SAMD3: variants seen among roughly 807,000 people sequenced by gnomAD.
SAMD3 encodes sterile alpha motif domain-containing protein 3.
SAMD3 carries 63 observed loss-of-function variants against 58.5 expected under a neutral mutation model. The observed-to-expected ratio is 1.08, with a 90% CI of 0.88 to 1.33. SAMD3 has a LOEUF of 1.33. Ranked by LOEUF, SAMD3 falls within the 40% of genes most tolerant of loss-of-function variation. The pLI is 0.00. For missense variants in SAMD3, 604 were observed against 608.4 expected (o/e 0.99, Z 0.08); for synonymous variants, 220 against 210.3 (o/e 1.05, Z -0.40).
At chr6:130,334,987 A>G (rs1777057799) in intron 1 of SAMD3, among the ~76,000 whole-genome samples, 1 of 152,248 alleles carries the variant, frequency 6.6e-6, no homozygotes, top group Non-Finnish European at 1.5e-5. Context: ...TAAAAGATTT[A>G]TAATATTTGC....
intron 8 of SAMD3, among the ~76,000 whole-genome samples, chr6:130,169,054 T>C (rs971764862): frequency 5.3e-5 from 8 of 152,202 alleles, no homozygotes; most frequent in African/African-American, 1.7e-4. Context: ...ACTCAAGTAA[T>C]CCTCCTGTCT....
Position 130,153,666 on chromosome 6 carries a change from T to TATATATATATATATATATATATATATA in SAMD3, c.1023+1158_1023+1159insTATATATATATATATATATATATATAT, listed in dbSNP as rs58896049. 8.4e-4 allele frequency among the ~76,000 whole-genome samples: 76 copies of TATATATATATATATATATATATATATA among 90,994 alleles called. 2 individuals are homozygous for TATATATATATATATATATATATATATA. The highest frequency in any genetic ancestry group is 1.2e-3 in the Admixed American group (11 of 9,062). 59.7% of individuals were successfully genotyped at this position (90,994 alleles called of 152,430 possible). A position where few individuals can be genotyped will look rare whatever the true frequency, so the allele number is the denominator to read the frequency against. On this transcript the variant is annotated intron_variant, in intron 9 of 11. Coordinates refer to ENST00000439090, the MANE Select transcript of SAMD3 (RefSeq NM_001017373.4). ...AAATTTCATATATATATATATATAT[T>TATATATATATATATATATATATATATA]TATTTATTTATTTATTTTTTAAAAT...
chr6:130,262,736 A>G (rs928468478), intron 2 of SAMD3, among the ~76,000 whole-genome samples: 6 of 152,202 alleles, frequency 3.9e-5, no homozygotes, highest in African/African-American at 1.4e-4. Flanking sequence ...TAAGAATTAT[A>G]AGGAGCCATA....
At chr6:130,292,461 A>T (rs1185816011) in intron 2 of SAMD3, among the ~76,000 whole-genome samples, 2 of 145,296 alleles carry the variant, frequency 1.4e-5, no homozygotes, top group Non-Finnish European at 3.0e-5. Context: ...TAATTTTTGT[A>T]TTTTTAGTAG....
intron 1 of SAMD3, among the ~76,000 whole-genome samples, chr6:130,352,202 T>G (rs1047937767): frequency 4.6e-5 from 7 of 152,066 alleles, no homozygotes; most frequent in African/African-American, 1.7e-4. Flanking sequence ...ATCCTAAAAC[T>G]TAAAGTATAA....
intron 2 of SAMD3, among the ~76,000 whole-genome samples, chr6:130,263,825 T>A (rs1401241474): frequency 1.3e-5 from 2 of 152,118 alleles, no homozygotes; most frequent in Admixed American, 1.3e-4. Flanking sequence ...GAGATTTCGA[T>A]AAAGACCCCA....
intron 4 of SAMD3, among the ~76,000 whole-genome samples, chr6:130,213,352 A>G (rs1038021481): frequency 6.6e-6 from 1 of 151,890 alleles, no homozygotes; most frequent in Non-Finnish European, 1.5e-5. Flanking sequence ...TAGAATTTCC[A>G]TTCCAGCTCT....
intron 5 of SAMD3, among the ~76,000 whole-genome samples, chr6:130,196,916 T>A (rs1360896504): frequency 3.9e-5 from 6 of 152,068 alleles, no homozygotes; most frequent in Non-Finnish European, 5.9e-5. Flanking sequence ...TTCCCACCTC[T>A]CTACAGTCTG....
intron 8 of SAMD3, among the ~76,000 whole-genome samples, chr6:130,174,445 G>A (rs1453107990): frequency 6.6e-6 from 1 of 152,206 alleles, no homozygotes; most frequent in Non-Finnish European, 1.5e-5. Context: ...ATTCCCAGGT[G>A]AAGCAATGCC....
At chr6:130,246,053 C>A (rs1404707732) in intron 2 of SAMD3, among the ~76,000 whole-genome samples, 1 of 152,032 alleles carries the variant, frequency 6.6e-6, no homozygotes, top group Non-Finnish European at 1.5e-5. Flanking sequence ...AACAGCCATT[C>A]CCCCAGTTGC....
chr6:130,182,839 CA>C (rs1792500451), intron 7 of SAMD3: 1 of 152,276 alleles, frequency 6.6e-6, no homozygotes, highest in Non-Finnish European at 1.5e-5. Context: ...CAGTAAAGCA[CA>C]AAAAGACATC....
chr6:130,212,573 A>G (rs958695247), intron 4 of SAMD3, among the ~76,000 whole-genome samples: 1 of 152,272 alleles, frequency 6.6e-6, no homozygotes, highest in African/African-American at 2.4e-5. Context: ...GGTAAGTACC[A>G]TATTACTTTT....
At chr6:130,165,842 A>C (rs1790691342) in intron 8 of SAMD3, among the ~76,000 whole-genome samples, 1 of 152,182 alleles carries the variant, frequency 6.6e-6, no homozygotes. Flanking sequence ...GGGGCATTTG[A>C]CAGAGGCCAA....
At chr6:130,296,127 A>AAATGCCACC (rs2114969536) in intron 2 of SAMD3, among the ~76,000 whole-genome samples, 1 of 152,312 alleles carries the variant, frequency 6.6e-6, no homozygotes, top group African/African-American at 2.4e-5. Context: ...TGGTGGATGA[A>AAATGCCACC]AAGAGAATGC....
chr6:130,289,703 T>C (rs916979248), intron 2 of SAMD3, among the ~76,000 whole-genome samples: 3 of 152,184 alleles, frequency 2.0e-5, no homozygotes, highest in African/African-American at 4.8e-5. Context: ...TTTCACCATG[T>C]TGGCCAGGCT....
intron 8 of SAMD3, chr6:130,162,169 C>A: frequency 1.5e-6 from 1 of 674,012 alleles, no homozygotes; most frequent in South Asian, 1.6e-5. Flanking sequence ...GTTTTGGCAA[C>A]ATAGAGTGTG....
intron 8 of SAMD3, among the ~76,000 whole-genome samples, chr6:130,172,533 C>T (rs1243447208): frequency 6.6e-6 from 1 of 152,160 alleles, no homozygotes; most frequent in African/African-American, 2.4e-5. Flanking sequence ...GAATATTGGA[C>T]CCCACTCTTT....
At chr6:130,281,232 G>GA (rs1054330966) in intron 2 of SAMD3, among the ~76,000 whole-genome samples, 3 of 152,216 alleles carry the variant, frequency 2.0e-5, no homozygotes, top group Admixed American at 6.5e-5. Context: ...GTGTATAAGG[G>GA]AAAACTACTG....
intron 2 of SAMD3, among the ~76,000 whole-genome samples, chr6:130,245,542 C>T (rs1380529267): frequency 1.3e-5 from 2 of 152,180 alleles, no homozygotes; most frequent in South Asian, 2.1e-4. Context: ...CCTGCCAGGA[C>T]AAACACTGCT....
Sources: gnomAD v4.1 joint callset for allele counts (sites outside exome capture counted in the v4.1 genomes callset) on GRCh38, gnomAD v4.1.1 for gene constraint, MANE v1.5 for transcripts, NCBI Gene and HGNC (gene_info 2026-07-23, HGNC 2026-07-21) for gene names.